Variants in LAMB4 observed in about 807,000 individuals in gnomAD.
LAMB4 encodes the protein laminin subunit beta-4.
LAMB4 carries 196 observed loss-of-function variants against 199.2 expected under a neutral mutation model. The ratio of observed to expected loss-of-function variants is 0.98; its 90% CI spans 0.88 to 1.11. The LOEUF is 1.11. Ranked by LOEUF, LAMB4 falls within the 50% of genes least tolerant of loss-of-function variation. The pLI is 0.00. For synonymous variants in LAMB4, 744 were observed against 770.6 expected (o/e 0.97, Z 0.57); for missense variants, 2,080 against 2,171.2 (o/e 0.96, Z 0.83).
chr7:108,053,792 C>T (rs536183878), intron 25 of LAMB4, among the ~76,000 whole-genome samples: 16 of 152,186 alleles, frequency 1.1e-4, no homozygotes, highest in Non-Finnish European at 1.6e-4. Flanking sequence ...GTGCTTTGTC[C>T]GACATTTTCC....
intron 1 of LAMB4, among the ~76,000 whole-genome samples, chr7:108,123,800 C>A (rs1414483845): frequency 6.6e-6 from 1 of 152,168 alleles, no homozygotes; most frequent in Non-Finnish European, 1.5e-5. Context: ...CTAACAAATG[C>A]ACTTTTAATT....
At chr7:108,116,274 A>C in intron 2 of LAMB4, 113 bp from the exon 3 acceptor site, 2 of 1,035,898 alleles carry the variant, frequency 1.9e-6, no homozygotes, top group Non-Finnish European at 2.7e-6. Flanking sequence ...TTGGCCAAAG[A>C]TGTATCAGAC....
intron 5 of LAMB4, among the ~76,000 whole-genome samples, 193 bp from the exon 6 acceptor site, chr7:108,108,012 C>T (rs1001955382): frequency 2.0e-5 from 3 of 152,214 alleles, no homozygotes; most frequent in African/African-American, 7.2e-5. Context: ...ATGATCTCGG[C>T]TCACTGTAGC....
chr7:108,016,275 A>ATT, the LAMB4 span, among the ~76,000 whole-genome samples: 677 of 97,860 alleles, frequency 6.9e-3, 40 homozygotes, highest in Admixed American at 0.02. Flanking sequence ...GCATTTTGGA[A>ATT]TTTTTTTTTT....
intron 23 of LAMB4, among the ~76,000 whole-genome samples, chr7:108,060,889 A>C (rs149342533): frequency 6.6e-6 from 1 of 152,350 alleles, no homozygotes; most frequent in East Asian, 1.9e-4. Context: ...AGTAGGTTGC[A>C]CATAGTGACT....
Position 108,049,339 on chromosome 7 carries a change from A to T in LAMB4, c.4109T>A (p.Ile1370Lys), listed in dbSNP as rs749324368. The change falls in exon 27 of 34, where the codon ATA becomes AAA. Residue 1370 changes from isoleucine to lysine, a missense_variant. Physicochemically the swap from Ile to Lys is moderately radical, Grantham distance 102 (BLOSUM62 -3). Transcript: ENST00000388781. Reference protein sequence around the residue: ...LKQIKIPDIQILNEKVCGDPG... With the variant: ...LKQIKIPDIQKLNEKVCGDPG... ...ATGAATATTTACCTTTTCATTCAAT[A>T]TTTGGATATCTGGTATCTTAATCTG... The T allele has an allele frequency of 9.6e-6, 15 of 1,557,536 alleles. No homozygotes were observed. Among genetic ancestry groups the T allele is most frequent in the Non-Finnish European group, 1.3e-5 (15 of 1,133,170 alleles).
chr7:108,041,653 C>A (rs774639503), intron 29 of LAMB4, among the ~76,000 whole-genome samples: 3 of 152,136 alleles, frequency 2.0e-5, no homozygotes, highest in Non-Finnish European at 2.9e-5. Context: ...AGCAGAAAAC[C>A]AAATACCGCA....
rs764450777 is a variant in LAMB4 at position 108,065,759 on chromosome 7, T to TACCC, written c.2835_2836+2dup. The TACCC allele has an allele frequency of 1.2e-6, 2 of 1,613,212 alleles. No homozygotes were observed. Among genetic ancestry groups the TACCC allele is most frequent in the Non-Finnish European group, 1.7e-6 (2 of 1,179,316 alleles). On this transcript the variant is annotated splice_region_variant and intron_variant, in intron 21 of 33. Coordinates refer to ENST00000388781, the MANE Select transcript of LAMB4 (RefSeq NM_007356.3). ...AAATTGCATCAAGCACTATACTGCA[T>TACCC]ACCCGTATAACCTTGAAGACAATTG...
At position 108,103,065 on chromosome 7, in the gene LAMB4, A is replaced by G; in HGVS notation, c.1159T>C (p.Ser387Pro). ...LFYRDPLKTI[S>P]DPYACIPCEC... Reference sequence around the variant, plus strand: ...TCACGAATGCACGCGTAGGGATCTGAGATGGTCTTGAGCGGGTCCCTGTAG... The same window carrying G: ...TCACGAATGCACGCGTAGGGATCTGGGATGGTCTTGAGCGGGTCCCTGTAG... Residue 387 changes from serine (S) to proline (P), a missense_variant, in exon 10 of 34, where the codon TCA becomes CCA. Transcript: ENST00000388781. 11 of 1,604,176 alleles carry G rather than the reference A, an allele frequency of 6.9e-6. No homozygotes were observed. Among genetic ancestry groups the G allele is most frequent in the Non-Finnish European group, 9.4e-6 (11 of 1,172,538 alleles).
chr7:108,108,171 T>C (rs182289425), intron 5 of LAMB4, among the ~76,000 whole-genome samples: 1 of 152,280 alleles, frequency 6.6e-6, no homozygotes, highest in East Asian at 1.9e-4. Context: ...TGGGCTCAAA[T>C]GCCCACCTCA....
At chr7:108,103,952 T>A (rs112192970) in intron 9 of LAMB4, among the ~76,000 whole-genome samples, 1 of 152,176 alleles carries the variant, frequency 6.6e-6, no homozygotes, top group Non-Finnish European at 1.5e-5. Context: ...AGAAATTGAA[T>A]AACAAATTTG....
chr7:108,110,377 T>C (rs73426884), intron 4 of LAMB4, among the ~76,000 whole-genome samples: 3,711 of 152,326 alleles, frequency 0.024, 146 homozygotes, highest in African/African-American at 0.081. Context: ...AACTATGTCT[T>C]AGAAGTCTGG....
intron 14 of LAMB4, among the ~76,000 whole-genome samples, chr7:108,083,215 G>T (rs2037025505): frequency 6.6e-6 from 1 of 152,118 alleles, no homozygotes; most frequent in Non-Finnish European, 1.5e-5. Context: ...TACTTGGGAG[G>T]GTAAGAGTGT....
chr7:108,109,363 T>C (rs1584771454), intron 4 of LAMB4, 119 bp from the exon 5 acceptor site: 1 of 738,832 alleles, frequency 1.4e-6, no homozygotes, highest in Non-Finnish European at 2.3e-6. Flanking sequence ...AGGCTGACGA[T>C]CACTCTTCCC....
At chr7:108,107,844 C>T in intron 5 of LAMB4, 25 bp from the exon 6 acceptor site, 3 of 1,520,924 alleles carry the variant, frequency 2.0e-6, no homozygotes, top group Non-Finnish European at 2.7e-6. Flanking sequence ...TAAAAGTTGG[C>T]ACATTTCACA....
chr7:108,053,763 GGCTCATTC>G (rs1413756685), intron 25 of LAMB4, among the ~76,000 whole-genome samples: 17 of 152,152 alleles, frequency 1.1e-4, no homozygotes, highest in African/African-American at 4.1e-4. Flanking sequence ...ATGGTGGATT[GGCTCATTC>G]TGCTTTCTTT....
chr7:108,012,580 GT>G, the LAMB4 span, among the ~76,000 whole-genome samples: 116 of 152,286 alleles, frequency 7.6e-4, no homozygotes, highest in African/African-American at 2.7e-3. Flanking sequence ...AAAACTCACC[GT>G]TTATTCAGTC....
At chr7:108,016,397 C>T in the LAMB4 span, among the ~76,000 whole-genome samples, 4 of 149,174 alleles carry the variant, frequency 2.7e-5, no homozygotes, top group African/African-American at 9.9e-5. Context: ...GATTCCTGTG[C>T]CTCAGCTTCC....
chr7:108,106,919 T>C (rs576879703), intron 6 of LAMB4, among the ~76,000 whole-genome samples: 1 of 152,304 alleles, frequency 6.6e-6, no homozygotes, highest in African/African-American at 2.4e-5. Context: ...GGCTGAGCCA[T>C]TGCTTCCCAG....
Sources: gnomAD v4.1 joint callset for allele counts (sites outside exome capture counted in the v4.1 genomes callset) on GRCh38, gnomAD v4.1.1 for gene constraint, MANE v1.5 for transcripts, NCBI Gene and HGNC (gene_info 2026-07-23, HGNC 2026-07-21) for gene names.